Variants in INTS6 observed in about 807,000 individuals in gnomAD.
The protein encoded by INTS6 is integrator complex subunit 6.
A neutral mutation model predicts 104.9 loss-of-function variants in INTS6; 16 were observed. The ratio of observed to expected loss-of-function variants is 0.15; its 90% CI spans 0.10 to 0.23. The LOEUF is 0.23. Ranked by LOEUF, INTS6 falls within the 10% of genes least tolerant of loss-of-function variation. INTS6 has a pLI of 1.00. For synonymous variants in INTS6, 324 were observed against 358.7 expected (o/e 0.90, Z 1.09); for missense variants, 584 against 1,062.8 (o/e 0.55, Z 6.26).
At chr13:51,403,890 A>C (rs181326670) in intron 4 of INTS6, among the ~76,000 whole-genome samples, 1 of 152,126 alleles carries the variant, frequency 6.6e-6, no homozygotes, top group African/African-American at 2.4e-5. Context: ...TAGAGTTATA[A>C]TCAGATCACA....
intron 3 of INTS6, among the ~76,000 whole-genome samples, chr13:51,432,660 C>G (rs1363406350): frequency 6.6e-6 from 1 of 152,164 alleles, no homozygotes; most frequent in Admixed American, 6.5e-5. Context: ...ACTCAAACTT[C>G]AAAAAGATTC....
At chr13:51,358,588 T>C (rs1422966769), downstream of INTS6, among the ~76,000 whole-genome samples, 2 of 152,148 alleles carry the variant, frequency 1.3e-5, no homozygotes, top group African/African-American at 4.8e-5. Context: ...CGTATAGTGG[T>C]AAGGGGTGTC....
chr13:51,354,310 A>C (rs1955446447), exon 4 of INTS6: 1 of 152,174 alleles, frequency 6.6e-6, no homozygotes, highest in Non-Finnish European at 1.5e-5. Context: ...CAAGTTTCTT[A>C]AACTCTTTAA....
chr13:51,398,548 T>C (rs1956380626), intron 4 of INTS6, among the ~76,000 whole-genome samples: 1 of 151,992 alleles, frequency 6.6e-6, no homozygotes, highest in Admixed American at 6.6e-5. Flanking sequence ...AATTTGACAA[T>C]ACCAAGTGAT....
chr13:51,397,047 AT>A (rs1205911539), intron 4 of INTS6, among the ~76,000 whole-genome samples: 1 of 152,216 alleles, frequency 6.6e-6, no homozygotes, highest in Non-Finnish European at 1.5e-5. Flanking sequence ...ACTGGAGTAT[AT>A]TTTTATACAA....
Position 51,452,910 on chromosome 13 carries a change from T to A in INTS6, c.-385A>T, listed in dbSNP as rs918059114. On this transcript the variant is annotated 5_prime_UTR_variant, in exon 1 of 18. Transcript: ENST00000311234. This position sits in a 1 kb window ranked among gnomAD's most constrained non-coding sequence, Gnocchi z 4.2. ...CACCCCCGGTACAGGAGTGGGGACC[T>A]GGGAGCTGGCGAAGAGGGGAGTGGG... The A allele has an allele frequency of 6.5e-6, 7 of 1,085,112 alleles. No homozygotes were observed. In the East Asian group the frequency reaches 7.2e-4, roughly 112 times the overall value. 67.2% of individuals were successfully genotyped at this position (1,085,112 alleles called of 1,614,324 possible).
At chr13:51,419,488 T>C (rs1178871484) in intron 4 of INTS6, among the ~76,000 whole-genome samples, 1 of 152,218 alleles carries the variant, frequency 6.6e-6, no homozygotes, top group Admixed American at 6.5e-5. Context: ...CTCTCTTCAG[T>C]GACCTTTATG....
chr13:51,335,751 C>T, the INTS6 span: 5 of 152,158 alleles, frequency 3.3e-5, no homozygotes, highest in South Asian at 4.2e-4. Context: ...TGTCGAGTAT[C>T]GCCCAGAAGC....
At chr13:51,443,554 T>TACTTTCTGCCAAACAAAGGGAGGAA (rs1952837177) in intron 3 of INTS6, 2 of 152,242 alleles carry the variant, frequency 1.3e-5, no homozygotes, top group African/African-American at 4.8e-5. Context: ...AAATAAAGTT[T>TACTTTCTGCCAAACAAAGGGAGGAA]ATATAAGGAA....
intron 14 of INTS6, 96 bp from the exon 15 acceptor site, chr13:51,374,535 C>A: frequency 6.6e-7 from 1 of 1,504,696 alleles, no homozygotes; most frequent in South Asian, 1.2e-5. Context: ...ATATTCTGTT[C>A]ATATTTATTA....
chr13:51,408,629 C>T (rs1956621327), intron 4 of INTS6, among the ~76,000 whole-genome samples: 3 of 152,106 alleles, frequency 2.0e-5, no homozygotes, highest in Non-Finnish European at 4.4e-5. Flanking sequence ...ATGTATGTCC[C>T]TATTTGTGAA....
chr13:51,379,122 C>A (rs1955994922), intron 11 of INTS6, among the ~76,000 whole-genome samples: 2 of 151,366 alleles, frequency 1.3e-5, no homozygotes, highest in South Asian at 2.1e-4. Flanking sequence ...CTGCAGGTTT[C>A]AAAACATAAA....
intron 16 of INTS6, among the ~76,000 whole-genome samples, chr13:51,368,342 TATAA>T (rs1350002196): frequency 6.6e-6 from 1 of 152,092 alleles, no homozygotes; most frequent in Non-Finnish European, 1.5e-5. Flanking sequence ...CTGCAAGGGC[TATAA>T]ACGTCTGAAC....
chr13:51,356,540 C>T (rs576622360), intron 3 of INTS6, among the ~76,000 whole-genome samples: 1 of 152,260 alleles, frequency 6.6e-6, no homozygotes, highest in African/African-American at 2.4e-5. Context: ...TTTTCTTCTA[C>T]ATCACTGTAT....
rs1953088723 is a variant in INTS6 at position 51,452,620 on chromosome 13, C to T, written c.-95G>A. 1.3e-5 allele frequency: 20 copies of T among 1,531,390 alleles called. No homozygotes were observed. The highest frequency in any genetic ancestry group is 2.0e-5 in the Admixed American group (1 of 49,938). 94.9% of individuals were successfully genotyped at this position (1,531,390 alleles called of 1,614,324 possible). Reference sequence around the variant, plus strand: ...TGGCGGCGACCGCCGCTACGCGGGGCGGGGGAGCACGGCCCCCGGGAGGAA... The same window carrying T: ...TGGCGGCGACCGCCGCTACGCGGGGTGGGGGAGCACGGCCCCCGGGAGGAA... On this transcript the variant is annotated 5_prime_UTR_variant, in exon 1 of 18. Coordinates refer to ENST00000311234, the MANE Select transcript of INTS6 (RefSeq NM_012141.3). The surrounding 1 kb of genome is among the most constrained non-coding windows in gnomAD (Gnocchi z 4.2).
At chr13:51,410,827 C>G (rs1379785008) in intron 4 of INTS6, among the ~76,000 whole-genome samples, 2 of 152,178 alleles carry the variant, frequency 1.3e-5, no homozygotes, top group East Asian at 3.9e-4. Context: ...GTAAAAAATT[C>G]TTATAACTCA....
chr13:51,410,330 A>G (rs920433331), intron 4 of INTS6, among the ~76,000 whole-genome samples: 2 of 152,232 alleles, frequency 1.3e-5, no homozygotes, highest in African/African-American at 4.8e-5. Flanking sequence ...AAAACTCGTT[A>G]TAAAACCACA....
chr13:51,373,979 T>C (rs1955864567), intron 15 of INTS6, among the ~76,000 whole-genome samples: 1 of 152,240 alleles, frequency 6.6e-6, no homozygotes, highest in African/African-American at 2.4e-5. Flanking sequence ...GATTTGCAAA[T>C]GTATGTTAGA....
the INTS6 span, among the ~76,000 whole-genome samples, chr13:51,345,365 C>T: frequency 2.8e-4 from 42 of 152,008 alleles, no homozygotes; most frequent in African/African-American, 9.7e-4. Context: ...GATGCCAAGG[C>T]GGGCAGATCA....
Sources: allele counts gnomAD v4.1 joint callset (sites outside exome capture counted in the v4.1 genomes callset), GRCh38; gene constraint gnomAD v4.1.1; non-coding constraint Gnocchi (gnomAD v3.1); transcripts MANE v1.5; gene names NCBI Gene and HGNC (gene_info 2026-07-23, HGNC 2026-07-21).